The following NCK1 variants were observed in gnomAD, a reference collection of about 807,000 sequenced individuals.
The protein encoded by NCK1 is NCK adaptor protein 1.
A neutral mutation model predicts 36.6 loss-of-function variants in NCK1; 19 were observed. That is an observed-to-expected ratio of 0.52 (90% confidence interval 0.36 to 0.76). The LOEUF is 0.76. NCK1 is among the 30% of genes least tolerant of loss of function. The pLI is 0.00. For synonymous variants in NCK1, 165 were observed against 156.0 expected, an observed-to-expected ratio of 1.06 and a Z score of -0.43; for missense variants, 358 against 445.6, an observed-to-expected ratio of 0.80 and a Z score of 1.77.
rs574145757 is a variant in NCK1, at chr3:136,898,591, A to G, written c.-18-29393A>G. On this transcript the variant is annotated intron_variant, in intron 1 of 3. Coordinates refer to ENST00000481752, the MANE Select transcript of NCK1 (RefSeq NM_001291999.2). ...TGTAAAATACTTCTGAACTCTTACT[A>G]TGAAAAAATTTGGCTAAAATACAAA... Among the ~76,000 whole-genome samples the G allele has an allele frequency of 1.1e-4, 17 of 152,344 alleles. No homozygotes were observed. In the South Asian group the frequency reaches 3.1e-3, roughly 28 times the overall value.
At chr3:136,905,498 C>T (rs914211623) in intron 1 of NCK1, among the ~76,000 whole-genome samples, 1 of 152,076 alleles carries the variant, frequency 6.6e-6, no homozygotes, top group African/African-American at 2.4e-5. Flanking sequence ...GGTGATCTGC[C>T]TGCCTCAGCC....
intron 1 of NCK1, among the ~76,000 whole-genome samples, chr3:136,867,092 CTTTCTTTCTTTCTTTCTTTCTTTCTTTGT>C (rs1938449052): frequency 1.2e-4 from 5 of 41,326 alleles, no homozygotes; most frequent in East Asian, 1.5e-3. Context: ...TTCTTTCTTT[CTTTCTTTCTTTCTTTCTTTCTTTCTTTGT>C]TTCTTTCTTT....
intron 2 of NCK1, 75 bp downstream of exon 2, chr3:136,928,302 G>A (rs1940298883): frequency 7.3e-7 from 1 of 1,374,404 alleles, no homozygotes; most frequent in Non-Finnish European, 9.8e-7. Context: ...ACATAATTCT[G>A]GCAGCAGTGT....
At chr3:136,867,043 C>A (rs1201640458) in intron 1 of NCK1, among the ~76,000 whole-genome samples, 2 of 77,428 alleles carry the variant, frequency 2.6e-5, no homozygotes, top group Admixed American at 1.6e-4. Flanking sequence ...CCCTATGTTG[C>A]TTGCTTTTCT....
At chr3:136,939,288 A>T (rs189757502) in intron 2 of NCK1, among the ~76,000 whole-genome samples, 1 of 152,204 alleles carries the variant, frequency 6.6e-6, no homozygotes, top group African/African-American at 2.4e-5. Flanking sequence ...ATTTGTTTAT[A>T]ATCCTTTTTA....
chr3:136,928,446 A>G (rs986769621), intron 2 of NCK1: 1 of 538,616 alleles, frequency 1.9e-6, no homozygotes, highest in African/African-American at 1.9e-5. Context: ...AAGTCAAGGC[A>G]GAGTGATACC....
At chr3:136,890,630 T>A (rs1004188529) in intron 1 of NCK1, among the ~76,000 whole-genome samples, 1 of 152,258 alleles carries the variant, frequency 6.6e-6, no homozygotes, top group Admixed American at 6.5e-5. Context: ...TTTTATGCAT[T>A]CATCAGTTTA....
At chr3:136,880,403 G>T (rs1444709870) in intron 1 of NCK1, among the ~76,000 whole-genome samples, 2 of 152,030 alleles carry the variant, frequency 1.3e-5, no homozygotes, top group African/African-American at 4.8e-5. Context: ...TTTTAAAAAA[G>T]GGAGAGATTT....
At chr3:136,941,386 T>A (rs899229443) in intron 2 of NCK1, among the ~76,000 whole-genome samples, 1 of 152,156 alleles carries the variant, frequency 6.6e-6, no homozygotes, top group Non-Finnish European at 1.5e-5. Context: ...CACCTTGGCC[T>A]CCCAAAGTGC....
rs749985486 is a variant in NCK1, at chr3:136,946,129, G to T, written c.773G>T (p.Gly258Val). Residue 258 changes from glycine to valine, a missense_variant, in exon 3 of 4, where the codon GGT becomes GTT. By Grantham distance (109) the Gly-to-Val change is moderately radical. This residue lies in a region of NCK1 where 207 missense variants were observed against 253.4 expected (regional missense o/e 0.82). Coordinates refer to ENST00000481752, the MANE Select transcript of NCK1 (RefSeq NM_001291999.2). Reference protein sequence around the residue: ...TVMQNNPLTSGLEPSPPQCDY... With the variant: ...TVMQNNPLTSVLEPSPPQCDY... ...ATGCAGAATAATCCATTAACTTCAG[G>T]TTTGGAACCATCACCTCCACAGTGT... The T allele has an allele frequency of 3.1e-6, 5 of 1,613,590 alleles. No individual in the cohort carries two copies. Among genetic ancestry groups the T allele is most frequent in the Non-Finnish European group, 4.2e-6 (5 of 1,179,974 alleles).
rs1560028453 is a variant in NCK1 at position 136,867,104 on chromosome 3, CTTTCTTTCTTTCTTTGTTTCT to C, written c.-19+4754_-19+4774del. On this transcript the variant is annotated intron_variant, in intron 1 of 3. Coordinates refer to ENST00000481752, the MANE Select transcript of NCK1 (RefSeq NM_001291999.2). ...TCTTTCTTTCTTTCTTTCTTTCTTTCTTTCTTTCTTTCTTTGTTTCTTTCTTTCCTTCCTTCCTTCCTTCCT... is the reference window on the plus strand; with the variant it reads ...TCTTTCTTTCTTTCTTTCTTTCTTTCTTCTTTCCTTCCTTCCTTCCTTCCT... Among the ~76,000 whole-genome samples, 128 of 31,898 alleles carry C rather than the reference CTTTCTTTCTTTCTTTGTTTCT, an allele frequency of 4.0e-3. 5 individuals are homozygous for C. Among genetic ancestry groups the C allele is most frequent in the South Asian group, 8.8e-3 (7 of 792 alleles). The allele number at this position is 31,898 out of a possible 152,430, so 20.9% of individuals were successfully genotyped here.
intron 2 of NCK1, among the ~76,000 whole-genome samples, chr3:136,935,309 A>G (rs1183815814): frequency 6.6e-6 from 1 of 152,190 alleles, no homozygotes; most frequent in Non-Finnish European, 1.5e-5. Context: ...CTTTTACCAT[A>G]CAAAACTGTG....
intron 3 of NCK1, 59 bp downstream of exon 3, chr3:136,946,354 A>G (rs1576995367): frequency 6.9e-7 from 1 of 1,444,338 alleles, no homozygotes; most frequent in East Asian, 2.3e-5. Context: ...AAAAAAAGAG[A>G]GAGAGAAATG....
At chr3:136,937,622 C>A (rs770640721) in intron 2 of NCK1, among the ~76,000 whole-genome samples, 2 of 152,080 alleles carry the variant, frequency 1.3e-5, no homozygotes. Context: ...TTTCTTTCAG[C>A]GGTGTTTTGC....
Position 136,949,016 on chromosome 3 carries a change from C to A in NCK1, c.*563C>A, listed in dbSNP as rs1448014701. On this transcript the variant is annotated 3_prime_UTR_variant, in exon 4 of 4. Transcript: ENST00000481752. ...GTGTCTGCCATAATTTTTAAAAATACATTCATTGTCTTCAGTCATACAGCA... is the reference window on the plus strand; with the variant it reads ...GTGTCTGCCATAATTTTTAAAAATAAATTCATTGTCTTCAGTCATACAGCA... The A allele has an allele frequency of 6.6e-6, 1 of 152,376 alleles. No homozygotes were observed. Among genetic ancestry groups the A allele is most frequent in the Non-Finnish European group, 1.5e-5 (1 of 67,884 alleles). 9.4% of individuals were successfully genotyped at this position (152,376 alleles called of 1,614,324 possible). A position where few individuals can be genotyped will look rare whatever the true frequency, so the allele number is the denominator to read the frequency against.
chr3:136,908,728 A>G (rs1161652576), intron 1 of NCK1, among the ~76,000 whole-genome samples: 1 of 152,250 alleles, frequency 6.6e-6, no homozygotes, highest in Non-Finnish European at 1.5e-5. Context: ...CAAAATTGGT[A>G]GCTCTTAGGA....
chr3:136,919,981 G>T (rs182876530), intron 1 of NCK1, among the ~76,000 whole-genome samples: 5 of 152,192 alleles, frequency 3.3e-5, no homozygotes, highest in African/African-American at 1.2e-4. Context: ...TTTGGTTGGG[G>T]TACAGATCTC....
chr3:136,910,751 T>C (rs1282169921), intron 1 of NCK1, among the ~76,000 whole-genome samples: 1 of 152,204 alleles, frequency 6.6e-6, no homozygotes, highest in Non-Finnish European at 1.5e-5. Context: ...AATTAACATA[T>C]CCATAACCTT....
intron 1 of NCK1, among the ~76,000 whole-genome samples, chr3:136,914,418 C>T (rs564434845): frequency 1.9e-4 from 29 of 152,294 alleles, no homozygotes; most frequent in African/African-American, 6.5e-4. Flanking sequence ...TTAAATAAGA[C>T]AGATTATACT....
Sources: gnomAD v4.1 joint callset for allele counts (sites outside exome capture counted in the v4.1 genomes callset) on GRCh38, gnomAD v4.1.1 for gene constraint, gnomAD v4.1.1 regional missense constraint, MANE v1.5 for transcripts, NCBI Gene and HGNC (gene_info 2026-07-23, HGNC 2026-07-21) for gene names.